The following SIPA1L2 variants were observed in gnomAD, a reference collection of about 807,000 sequenced individuals.
SIPA1L2 encodes the protein signal induced proliferation associated 1 like 2.
Under a neutral mutation model 163.9 loss-of-function variants are expected in SIPA1L2, and 56 were observed. The observed-to-expected ratio is 0.34, with a 90% CI of 0.28 to 0.43. The LOEUF is 0.43. Ranked by LOEUF, SIPA1L2 falls within the 20% of genes least tolerant of loss-of-function variation. SIPA1L2 has a pLI of 1.00. For missense variants in SIPA1L2, 1,974 were observed against 2,193.5 expected (o/e 0.90, Z 2.00); for synonymous variants, 877 against 865.7 (o/e 1.01, Z -0.23).
At chr1:232,507,751 G>T (rs962989652) in intron 3 of SIPA1L2, among the ~76,000 whole-genome samples, 1 of 152,126 alleles carries the variant, frequency 6.6e-6, no homozygotes, top group African/African-American at 2.4e-5. Flanking sequence ...ATCATGGCTG[G>T]TAAATACCTG....
intron 1 of SIPA1L2, among the ~76,000 whole-genome samples, chr1:232,600,708 G>T (rs1208340927): frequency 6.6e-6 from 1 of 152,140 alleles, no homozygotes; most frequent in African/African-American, 2.4e-5. Flanking sequence ...CCTTACTTCT[G>T]AAGTGGGTAG....
At chr1:232,462,454 C>T (rs1040331172) in intron 9 of SIPA1L2, 2 of 1,205,448 alleles carry the variant, frequency 1.7e-6, no homozygotes, top group Non-Finnish European at 2.2e-6. Context: ...TGTATCACCA[C>T]TGTGTCTGAT....
chr1:232,424,724 T>C (rs1191449480), intron 18 of SIPA1L2, among the ~76,000 whole-genome samples: 1 of 152,186 alleles, frequency 6.6e-6, no homozygotes, highest in African/African-American at 2.4e-5. Flanking sequence ...TCCAATTATG[T>C]TAAACATTGG....
In SIPA1L2 at chr1:232,445,805, A is replaced by G; in HGVS notation, c.3096-19T>C. On this transcript the variant is annotated intron_variant, in intron 10 of 22. Coordinates refer to ENST00000674635, the MANE Select transcript of SIPA1L2 (RefSeq NM_020808.5). Reference sequence around the variant, plus strand: ...ACACCCTCTGTTGGGCCAAGAAGAAATGGTGAGAAGGGAAGCTCTCAGCTG... The same window carrying G: ...ACACCCTCTGTTGGGCCAAGAAGAAGTGGTGAGAAGGGAAGCTCTCAGCTG... 1.9e-6 allele frequency: 3 copies of G among 1,607,370 alleles called. No individual in the cohort carries two copies. Among genetic ancestry groups the G allele is most frequent in the Non-Finnish European group, 2.5e-6 (3 of 1,176,474 alleles).
At chr1:232,431,363 G>T (rs1662228725) in intron 16 of SIPA1L2, among the ~76,000 whole-genome samples, 1 of 152,064 alleles carries the variant, frequency 6.6e-6, no homozygotes, top group South Asian at 2.1e-4. Context: ...AGCACTAAAA[G>T]AATTTTTAAT....
chr1:232,464,772 G>T lies in SIPA1L2; in HGVS notation c.2820+68C>A. ...GTATAATCATGGTAGCAGTTCCCCAGTGAAAGTTATTTTGAATCTGGAATT... is the reference window on the plus strand; with the variant it reads ...GTATAATCATGGTAGCAGTTCCCCATTGAAAGTTATTTTGAATCTGGAATT... On this transcript the variant is annotated intron_variant, in intron 9 of 22. Transcript: ENST00000674635. 4 of 1,307,226 alleles carry T rather than the reference G, an allele frequency of 3.1e-6. No individual in the cohort carries two copies. In the South Asian group the frequency reaches 4.4e-5, roughly 14 times the overall value. The allele number at this position is 1,307,226 out of a possible 1,614,324, so 81.0% of individuals were successfully genotyped here.
rs201814339 is a variant in SIPA1L2, at chr1:232,577,102, CTT to C, written c.-318-2882_-318-2881del. Reference sequence around the variant, plus strand: ...AAGCTTTAAAGGACAGGCTAATTCTCTTGTTAGCAGTTAATGCAGCTGGTGAC... The same window carrying C: ...AAGCTTTAAAGGACAGGCTAATTCTCGTTAGCAGTTAATGCAGCTGGTGAC... On this transcript the variant is annotated intron_variant, in intron 1 of 22. Coordinates refer to ENST00000674635, the MANE Select transcript of SIPA1L2 (RefSeq NM_020808.5). Among the ~76,000 whole-genome samples, 975 of 152,306 alleles carry C rather than the reference CTT, an allele frequency of 6.4e-3. 23 individuals carry two copies. The highest frequency in any genetic ancestry group is 0.028 in the Admixed American group (423 of 15,286).
At chr1:232,493,456 A>G (rs1666033028) in intron 4 of SIPA1L2, 71 bp downstream of exon 4, 1 of 1,577,534 alleles carries the variant, frequency 6.3e-7, no homozygotes, top group Non-Finnish European at 8.6e-7. Flanking sequence ...CCTATCTAAA[A>G]CAAACTGAAG....
chr1:232,415,587 A>G lies in SIPA1L2; in HGVS notation c.4669T>C (p.Ser1557Pro), dbSNP rs773403200. 1.2e-6 allele frequency: 2 copies of G among 1,613,962 alleles called. No homozygotes were observed. The highest frequency in any genetic ancestry group is 2.2e-5 in the South Asian group (2 of 91,028). ...ATCAGGCCAGGATCTGCGCACTTGG[A>G]CTTATCTGATAAGGACCCATCGGAG... The part of the protein sequence containing the change: ...WFSDGSLSDK[S>P]KCADPGLMPL... The change falls in exon 19 of 23, where the codon TCC becomes CCC. Residue 1557 changes from serine (S) to proline (P), a missense_variant. Ser to Pro is a moderately conservative substitution (Grantham distance 74). Around this residue, in one of 3 missense-constraint regions of SIPA1L2, gnomAD observed 1,079 missense variants for 1,150.7 expected, o/e 0.94. Coordinates refer to ENST00000674635, the MANE Select transcript of SIPA1L2 (RefSeq NM_020808.5).
chr1:232,624,640 A>C (rs1354039624), intron 1 of SIPA1L2, among the ~76,000 whole-genome samples: 5 of 152,264 alleles, frequency 3.3e-5, no homozygotes, highest in African/African-American at 4.8e-5. Context: ...CAGATAGCTT[A>C]CTTCGGACTG....
intron 2 of SIPA1L2, among the ~76,000 whole-genome samples, chr1:232,528,869 C>T: frequency 6.6e-6 from 1 of 152,176 alleles, no homozygotes; most frequent in Non-Finnish European, 1.5e-5. Flanking sequence ...TGGTTTCTGC[C>T]TCAAAGAAAC....
intron 19 of SIPA1L2, among the ~76,000 whole-genome samples, chr1:232,404,663 C>T (rs542225748): frequency 9.2e-5 from 14 of 152,186 alleles, no homozygotes; most frequent in African/African-American, 1.7e-4. Context: ...TTTAAGAGGT[C>T]GGAAGGAAAG....
At chr1:232,445,418 G>T in intron 11 of SIPA1L2, 111 bp downstream of exon 11, 1 of 1,490,382 alleles carries the variant, frequency 6.7e-7, no homozygotes. Context: ...TTGCCAACTT[G>T]CTGTGAACAA....
At chr1:232,428,652 G>T in intron 16 of SIPA1L2, 88 bp from the exon 17 acceptor site, 2 of 1,010,562 alleles carry the variant, frequency 2.0e-6, no homozygotes, top group Non-Finnish European at 2.7e-6. Context: ...AGTTTCAACA[G>T]CCACAAACGC....
chr1:232,590,092 G>A (rs1050559131), intron 1 of SIPA1L2, among the ~76,000 whole-genome samples: 6 of 152,056 alleles, frequency 3.9e-5, no homozygotes, highest in Non-Finnish European at 5.9e-5. Context: ...AACGCAATCC[G>A]GGAATTCCAT....
chr1:232,495,852 A>T (rs1210310157), intron 3 of SIPA1L2, among the ~76,000 whole-genome samples: 1 of 152,204 alleles, frequency 6.6e-6, no homozygotes, highest in African/African-American at 2.4e-5. Context: ...TTTTAAGTAG[A>T]AAAAAGCTTA....
intron 2 of SIPA1L2, among the ~76,000 whole-genome samples, chr1:232,545,978 T>G (rs1658008403): frequency 6.6e-6 from 1 of 152,220 alleles, no homozygotes. Context: ...TCTTCCCTTC[T>G]CTTTCTGGTG....
chr1:232,467,073 C>T (rs1385817030), intron 8 of SIPA1L2, among the ~76,000 whole-genome samples: 1 of 152,142 alleles, frequency 6.6e-6, no homozygotes, highest in African/African-American at 2.4e-5. Context: ...GATGCAAACT[C>T]CTCTTCTGAA....
intron 2 of SIPA1L2, among the ~76,000 whole-genome samples, chr1:232,550,275 A>G (rs1658298071): frequency 6.6e-6 from 1 of 152,242 alleles, no homozygotes; most frequent in African/African-American, 2.4e-5. Flanking sequence ...GTATGGCTGC[A>G]TTATATCAAG....
Sources: gnomAD v4.1 joint callset for allele counts (sites outside exome capture counted in the v4.1 genomes callset) on GRCh38, gnomAD v4.1.1 for gene constraint, gnomAD v4.1.1 regional missense constraint, MANE v1.5 for transcripts, NCBI Gene and HGNC (gene_info 2026-07-23, HGNC 2026-07-21) for gene names.